Variants in SCN9A observed in about 807,000 individuals in gnomAD.
SCN9A encodes the protein sodium channel protein type 9 subunit alpha.
A neutral mutation model predicts 187.0 loss-of-function variants in SCN9A; 131 were observed. That is an observed-to-expected ratio of 0.70 (90% CI 0.61 to 0.81). The LOEUF is 0.81. SCN9A is among the 30% of genes least tolerant of loss of function. SCN9A has a pLI of 0.00. For missense variants in SCN9A, 2,252 were observed against 2,396.6 expected (o/e 0.94, Z 1.26); for synonymous variants, 809 against 808.6 (o/e 1.00, Z -0.01).
At chr2:166,204,704 T>C in intron 24 of SCN9A, 1 of 247,812 alleles carries the variant, frequency 4.0e-6, no homozygotes, top group Non-Finnish European at 7.6e-6. Flanking sequence ...AAGGATTGGC[T>C]CAATATTCTT....
chr2:166,241,352 A>C (rs1695558116), intron 19 of SCN9A, among the ~76,000 whole-genome samples: 1 of 152,092 alleles, frequency 6.6e-6, no homozygotes. Flanking sequence ...GATCTCTTTC[A>C]ACTCTCATGG....
At chr2:166,297,743 A>G (rs1171136840) in intron 7 of SCN9A, among the ~76,000 whole-genome samples, 2 of 152,144 alleles carry the variant, frequency 1.3e-5, no homozygotes, top group African/African-American at 4.8e-5. Context: ...TACAGTTTAA[A>G]AAAAGGAATT....
chr2:166,246,621 A>G (rs1468015809), intron 18 of SCN9A, among the ~76,000 whole-genome samples: 1 of 152,084 alleles, frequency 6.6e-6, no homozygotes, highest in African/African-American at 2.4e-5. Context: ...TCTTAAACTT[A>G]AAAACAATGA....
At position 166,199,871 on chromosome 2, in the gene SCN9A, G is replaced by A. The variant is rs1242054178; in HGVS notation, c.4775-7C>T. ...AAATCAGCTAGAAACATACCTGTAT[G>A]TGGAGGAAAATAATAGAAATAAAAT... On this transcript the variant is annotated splice_polypyrimidine_tract_variant and splice_region_variant and intron_variant, in intron 26 of 26. Coordinates refer to ENST00000642356, the MANE Select transcript of SCN9A (RefSeq NM_001365536.1). 1.9e-6 allele frequency: 3 copies of A among 1,595,022 alleles called. No homozygotes were observed. Among genetic ancestry groups the A allele is most frequent in the Admixed American group, 1.7e-5 (1 of 59,418 alleles).
At chr2:166,214,301 C>A (rs1694224704) in intron 24 of SCN9A, among the ~76,000 whole-genome samples, 1 of 152,050 alleles carries the variant, frequency 6.6e-6, no homozygotes, top group African/African-American at 2.4e-5. Context: ...TTCCTGGGAT[C>A]AGACCATCTT....
intron 1 of SCN9A, among the ~76,000 whole-genome samples, chr2:166,323,770 A>T (rs1404501104): frequency 6.7e-6 from 1 of 149,212 alleles, no homozygotes; most frequent in Non-Finnish European, 1.5e-5. Flanking sequence ...GTGCTTTTGT[A>T]ATAATTAATG....
chr2:166,279,667 T>C (rs894660234), intron 14 of SCN9A, among the ~76,000 whole-genome samples: 6 of 152,172 alleles, frequency 3.9e-5, no homozygotes, highest in Non-Finnish European at 7.3e-5. Flanking sequence ...TCATTAAGTC[T>C]TTGAAGTTTT....
chr2:166,303,116 G>C lies in SCN9A; in HGVS notation c.875C>G (p.Thr292Ser). 6.2e-7 allele frequency: 1 copy of C among 1,605,456 alleles called. No individual in the cohort carries two copies. Among genetic ancestry groups the C allele is most frequent in the Non-Finnish European group, 8.5e-7 (1 of 1,174,568 alleles). The change falls in exon 7 of 27, where the codon ACC becomes AGC. Residue 292 changes from threonine (T) to serine (S), a missense_variant. Transcript: ENST00000642356. ...TCTAAAGTCTTCTTCACTCTCTAGG[G>C]TATTCATTATGCTTTCTAATGTTTC... ...NNETLESIMN[T>S]LESEEDFRKY...
At chr2:166,299,505 T>C (rs1698464377) in intron 7 of SCN9A, among the ~76,000 whole-genome samples, 1 of 151,028 alleles carries the variant, frequency 6.6e-6, no homozygotes, top group South Asian at 2.1e-4. Context: ...TTCTCTTGGC[T>C]TCATTATTTA....
At chr2:166,265,292 G>C (rs1361687034) in intron 17 of SCN9A, among the ~76,000 whole-genome samples, 1 of 151,904 alleles carries the variant, frequency 6.6e-6, no homozygotes, top group Admixed American at 6.6e-5. Flanking sequence ...TTCCACATAT[G>C]TGTGAGATAT....
intron 21 of SCN9A, among the ~76,000 whole-genome samples, chr2:166,230,356 A>G (rs1315738702): frequency 6.6e-6 from 1 of 152,174 alleles, no homozygotes; most frequent in Non-Finnish European, 1.5e-5. Context: ...CTTACAGTCT[A>G]TGTGACCTCA....
intron 24 of SCN9A, among the ~76,000 whole-genome samples, chr2:166,226,254 G>T (rs1485186944): frequency 6.6e-6 from 1 of 152,022 alleles, no homozygotes; most frequent in Non-Finnish European, 1.5e-5. Flanking sequence ...ATAGTGTATT[G>T]ATTTTTCTTA....
At chr2:166,273,710 T>C (rs762354253) in intron 16 of SCN9A, among the ~76,000 whole-genome samples, 1 of 151,796 alleles carries the variant, frequency 6.6e-6, no homozygotes, top group East Asian at 1.9e-4. Context: ...AAATTGTAAA[T>C]TATATTTAAA....
At chr2:166,228,097 T>C (rs1694916245) in intron 22 of SCN9A, among the ~76,000 whole-genome samples, 1 of 151,980 alleles carries the variant, frequency 6.6e-6, no homozygotes, top group Non-Finnish European at 1.5e-5. Context: ...AAGCAGGAAG[T>C]TCAAAAACGT....
At chr2:166,234,361 G>C (rs1477853915) in intron 20 of SCN9A, among the ~76,000 whole-genome samples, 5 of 151,906 alleles carry the variant, frequency 3.3e-5, no homozygotes, top group African/African-American at 1.2e-4. Flanking sequence ...AAAAATGTCT[G>C]GAATGCAGTT....
chr2:166,362,636 C>T (rs1403100676), intron 1 of SCN9A, among the ~76,000 whole-genome samples: 1 of 151,824 alleles, frequency 6.6e-6, no homozygotes, highest in Admixed American at 6.6e-5. Context: ...ATTTATATTC[C>T]AGAAGGAAGT....
intron 1 of SCN9A, among the ~76,000 whole-genome samples, chr2:166,336,743 CACTA>C (rs1699638868): frequency 6.6e-6 from 1 of 152,100 alleles, no homozygotes; most frequent in Admixed American, 6.6e-5. Flanking sequence ...CAAGGCTAAT[CACTA>C]ACTGTTTTCA....
At chr2:166,361,940 T>C (rs1700296069) in intron 1 of SCN9A, among the ~76,000 whole-genome samples, 1 of 152,136 alleles carries the variant, frequency 6.6e-6, no homozygotes, top group African/African-American at 2.4e-5. Context: ...CAGTAACAGC[T>C]GCTGATGAAA....
At chr2:166,263,877 A>G (rs1696619149) in intron 17 of SCN9A, among the ~76,000 whole-genome samples, 1 of 152,052 alleles carries the variant, frequency 6.6e-6, no homozygotes, top group Admixed American at 6.6e-5. Flanking sequence ...CTCCAAAGTT[A>G]GAAAGCAGCA....
Sources: gnomAD v4.1 joint callset for allele counts (sites outside exome capture counted in the v4.1 genomes callset) on GRCh38, gnomAD v4.1.1 for gene constraint, MANE v1.5 for transcripts, NCBI Gene and HGNC (gene_info 2026-07-23, HGNC 2026-07-21) for gene names.